Variants in ECHDC2 observed in about 807,000 individuals in gnomAD.
The protein encoded by ECHDC2 is enoyl-CoA hydratase domain-containing protein 2, mitochondrial.
In ECHDC2, 34 loss-of-function variants were observed where a neutral mutation model predicts 40.6. The observed-to-expected ratio is 0.84, with a 90% confidence interval of 0.64 to 1.11. The LOEUF (loss-of-function observed/expected upper bound fraction) is 1.11, where lower values mean the gene tolerates loss of function less well. ECHDC2 is among the 50% of genes most tolerant of loss of function. The pLI, the probability that ECHDC2 is intolerant of heterozygous loss-of-function variation, is 0.00. For synonymous variants in ECHDC2, 162 were observed against 166.6 expected (o/e 0.97, Z 0.21); for missense variants, 392 against 400.7 (o/e 0.98, Z 0.19).
In ECHDC2 at chr1:52,904,515, T is replaced by G. The variant is rs190748812; in HGVS notation, c.702+131A>C. ...GACTTGATTGTGTTTACTGGATGGT[T>G]AAACAAACTCCAAAGAGGGTTAATC... On this transcript the variant is annotated intron_variant, in intron 7 of 9. Transcript: ENST00000371522. 5.5e-5 allele frequency: 46 copies of G among 838,284 alleles called. No homozygotes were observed. The Admixed American group carries it at 9.8e-4, about 18-fold the overall frequency. 51.9% of individuals were successfully genotyped at this position (838,284 alleles called of 1,614,324 possible).
At chr1:52,917,411 A>T (rs999966998) in intron 1 of ECHDC2, 1 of 363,676 alleles carries the variant, frequency 2.7e-6, no homozygotes, top group African/African-American at 2.1e-5. Flanking sequence ...GTTCAGACAC[A>T]CGAAACATAA....
At position 52,921,293 on chromosome 1, in the gene ECHDC2, C is replaced by A. The variant is rs1051761434; in HGVS notation, c.121+260G>T. The A allele has an allele frequency of 8.5e-6, 6 of 705,372 alleles. No individual in the cohort carries two copies. In the East Asian group the frequency reaches 1.8e-4, roughly 22 times the overall value. The allele number at this position is 705,372 out of a possible 1,614,324, so 43.7% of individuals were successfully genotyped here. The stretch of plus-strand genomic sequence containing the variant: ...TCCTACCCGTGCGGACCCCGCTCCC[C>A]CTTCCACACAGTCGGAAGACCCCAA... On this transcript the variant is annotated intron_variant, in intron 1 of 9. Transcript: ENST00000371522.
chr1:52,906,406 CT>C, intron 5 of ECHDC2, 112 bp downstream of exon 5: 1 of 966,266 alleles, frequency 1.0e-6, no homozygotes, highest in African/African-American at 1.6e-5. Flanking sequence ...CTTAGTTTTG[CT>C]TTTGGTTGGA....
rs545150681 is a variant in ECHDC2, at chr1:52,904,967, C to CA, written c.514+66dup. 227 of 1,609,422 alleles carry CA rather than the reference C, an allele frequency of 1.4e-4. 1 individual carries two copies. The South Asian group carries it at 2.3e-3, about 17-fold the overall frequency. ...GGAGGGCAGAGCCCAGAACAGAGGGCAAAAAAGGAAAGCAGCGAAGGACCC... is the reference window on the plus strand; with the variant it reads ...GGAGGGCAGAGCCCAGAACAGAGGGCAAAAAAAGGAAAGCAGCGAAGGACCC... On this transcript the variant is annotated intron_variant, in intron 6 of 9. Coordinates refer to ENST00000371522, the MANE Select transcript of ECHDC2 (RefSeq NM_001198961.2).
chr1:52,905,022 A>C lies in ECHDC2; in HGVS notation c.514+12T>G. The C allele has an allele frequency of 1.9e-6, 3 of 1,614,168 alleles. No individual in the cohort carries two copies. Among genetic ancestry groups the C allele is most frequent in the Non-Finnish European group, 2.5e-6 (3 of 1,179,986 alleles). On this transcript the variant is annotated intron_variant, in intron 6 of 9. Transcript: ENST00000371522. ...TGGGGTGGAATTGGGCGGGTGCTGT[A>C]GTTGCGATTACCTGCCCCCGGGAGG... is the stretch of plus-strand genomic sequence containing the variant.
chr1:52,902,225 C>T (rs1051453665), intron 7 of ECHDC2, among the ~76,000 whole-genome samples: 8 of 152,140 alleles, frequency 5.3e-5, no homozygotes, highest in East Asian at 1.9e-4. Context: ...GGTGCGATCT[C>T]GGCTCACTGC....
At chr1:52,921,291 C>T (rs1651830180) in intron 1 of ECHDC2, 5 of 682,930 alleles carry the variant, frequency 7.3e-6, no homozygotes, top group East Asian at 7.5e-5. Flanking sequence ...GACCCCGCTC[C>T]CCCTTCCACA....
intron 1 of ECHDC2, 112 bp from the exon 2 acceptor site, chr1:52,911,902 T>C (rs1340354971): frequency 3.3e-6 from 5 of 1,512,448 alleles, no homozygotes; most frequent in South Asian, 1.2e-5. Context: ...CTGCCCTAGA[T>C]GACCAGAGTG....
chr1:52,897,398 C>A lies in ECHDC2; in HGVS notation c.801+39G>T, dbSNP rs545774804. ...ACAAAGTCCCTCTAGCCTGGCCCAG[C>A]CTATGTTAACAAGCAGGCATGGGCT... On this transcript the variant is annotated intron_variant, in intron 9 of 9. Transcript: ENST00000371522. The A allele has an allele frequency of 2.2e-5, 35 of 1,608,434 alleles. No individual in the cohort carries two copies. The South Asian group carries it at 3.5e-4, about 16-fold the overall frequency.
In ECHDC2 at chr1:52,910,352, G is replaced by GTTTTTTTTTTTT. The variant is rs869088329; in HGVS notation, c.277+1202_277+1213dup. Among the ~76,000 whole-genome samples, 44 of 32,104 alleles carry GTTTTTTTTTTTT rather than the reference G, an allele frequency of 1.4e-3. 16 individuals carry two copies. The highest frequency in any genetic ancestry group is 5.1e-3 in the East Asian group (6 of 1,176). 21.1% of individuals were successfully genotyped at this position (32,104 alleles called of 152,430 possible). ...GTTACTTATATTTCACCACAATTTC[G>GTTTTTTTTTTTT]TTTTTTTTTTTTTTTTTTTTTTTTT... On this transcript the variant is annotated intron_variant, in intron 3 of 9. Coordinates refer to ENST00000371522, the MANE Select transcript of ECHDC2 (RefSeq NM_001198961.2).
intron 1 of ECHDC2, chr1:52,913,705 G>A (rs764046990): frequency 3.7e-5 from 6 of 161,202 alleles, no homozygotes; most frequent in Non-Finnish European, 6.7e-5. Flanking sequence ...AGCCCCTTCC[G>A]CAATCCCCAT....
At chr1:52,896,768 CT>C (rs1646660869) in intron 9 of ECHDC2, 171 bp from the exon 10 acceptor site, 1 of 599,684 alleles carries the variant, frequency 1.7e-6, no homozygotes, top group African/African-American at 1.9e-5. Flanking sequence ...GCTTTGTCTC[CT>C]GGGGAAGACA....
chr1:52,899,895 T>C (rs1242101092), intron 7 of ECHDC2: 1 of 151,866 alleles, frequency 6.6e-6, no homozygotes, highest in Non-Finnish European at 1.5e-5. Flanking sequence ...ACACCAGCCC[T>C]AGCACTCCAG....
Position 52,899,219 on chromosome 1 carries a change from G to A in ECHDC2, c.708C>T (p.Pro236=). Residue 236 remains proline, a synonymous_variant, in exon 8 of 10, where the codon CCC becomes CCT. Transcript: ENST00000371522. ...CTACTTTGCCCAGCCGCACGGCAATGGGGGCCTAGGGAAAAGCAAAAAGTC... is the reference window on the plus strand; with the variant it reads ...CTACTTTGCCCAGCCGCACGGCAATAGGGGCCTAGGGAAAAGCAAAAAGTC... ...ALAQEILPQA[P]IAVRLGKVAI... The A allele has an allele frequency of 6.2e-7, 1 of 1,611,992 alleles. No individual in the cohort carries two copies.
intron 8 of ECHDC2, chr1:52,897,739 C>A: frequency 1.8e-6 from 1 of 570,040 alleles, no homozygotes; most frequent in South Asian, 2.0e-5. Flanking sequence ...TCCTGTCACC[C>A]GTTAATTTCT....
chr1:52,921,577 G>A lies in ECHDC2; in HGVS notation c.97C>T (p.Arg33Cys), dbSNP rs1651913406. The A allele has an allele frequency of 6.2e-7, 1 of 1,609,188 alleles. No homozygotes were observed. Among genetic ancestry groups the A allele is most frequent in the Admixed American group, 1.7e-5 (1 of 59,694 alleles). ...GAAGGSEIQV[R>C]ALAGPDQGIT... ...CCTTGGTCCGGACCCGCCAGGGCGC[G>A]CACTTGGATCTCTGAGCCCCCGGCC... The change falls in exon 1 of 10, where the codon CGC (arginine) becomes TGC (cysteine). Residue 33 changes from arginine to cysteine, a missense_variant. Physicochemically the swap from Arg to Cys is radical, Grantham distance 180. Transcript: ENST00000371522.
intron 3 of ECHDC2, 71 bp downstream of exon 3, chr1:52,911,495 G>T: frequency 6.8e-7 from 1 of 1,462,670 alleles, no homozygotes; most frequent in Non-Finnish European, 9.5e-7. Flanking sequence ...GCTGATCTAA[G>T]GTTTCCCCCA....
chr1:52,920,297 C>A (rs1489728114), intron 1 of ECHDC2: 7 of 592,792 alleles, frequency 1.2e-5, no homozygotes, highest in Non-Finnish European at 2.1e-5. Flanking sequence ...GAACAGTGGG[C>A]AACAGCAGGG....
At chr1:52,921,482 C>T (rs893093801) in intron 1 of ECHDC2, 71 bp downstream of exon 1, 1 of 1,525,044 alleles carries the variant, frequency 6.6e-7, no homozygotes, top group Non-Finnish European at 8.8e-7. Context: ...GAGCGGCCCA[C>T]CTGCCGGTCC....
Sources: allele counts gnomAD v4.1 joint callset (sites outside exome capture counted in the v4.1 genomes callset), GRCh38; gene constraint gnomAD v4.1.1; transcripts MANE v1.5; gene names NCBI Gene and HGNC (gene_info 2026-07-23, HGNC 2026-07-21).